Variants in NMNAT2 observed in about 807,000 individuals in gnomAD.
NMNAT2 encodes nicotinamide nucleotide adenylyltransferase 2.
In NMNAT2, 11 loss-of-function variants were observed where a neutral mutation model predicts 41.6. The ratio of observed to expected loss-of-function variants is 0.26; its 90% CI spans 0.17 to 0.44. NMNAT2 has a LOEUF of 0.44. Ranked by LOEUF, NMNAT2 falls within the 20% of genes least tolerant of loss-of-function variation. The probability of loss-of-function intolerance (pLI) is 1.00; values close to 1 mark genes in which losing one functional copy is unlikely to be tolerated. For missense variants in NMNAT2, 288 were observed against 407.7 expected, an observed-to-expected ratio of 0.71 and a Z score of 2.53; for synonymous variants, 148 against 151.2, an observed-to-expected ratio of 0.98 and a Z score of 0.16.
chr1:183,347,618 C>G (rs1051004312), intron 1 of NMNAT2, among the ~76,000 whole-genome samples: 3 of 152,124 alleles, frequency 2.0e-5, no homozygotes, highest in African/African-American at 7.2e-5. Flanking sequence ...ACAATACTAC[C>G]CTTGTGTTTT....
chr1:183,271,851 C>G (rs2102290990), intron 8 of NMNAT2, among the ~76,000 whole-genome samples: 1 of 152,188 alleles, frequency 6.6e-6, no homozygotes, highest in East Asian at 1.9e-4. Context: ...CTCCCGGGTT[C>G]AAGCAATTCT....
chr1:183,261,058 CATG>C lies in NMNAT2; in HGVS notation c.762_764del (p.Ile254del). 1 of 1,613,990 alleles carries C rather than the reference CATG, an allele frequency of 6.2e-7. No homozygotes were observed. Among genetic ancestry groups the C allele is most frequent in the Non-Finnish European group, 8.5e-7 (1 of 1,179,888 alleles). On this transcript the variant is annotated inframe_deletion, in exon 10 of 11. Transcript: ENST00000287713. ...GATGGTTGATGTCATCCTTCACCAC[CATG>C]ATGTTGTTCTGAGGACAGAGCAGAC...
intron 1 of NMNAT2, among the ~76,000 whole-genome samples, chr1:183,358,420 A>AAT (rs1441702182): frequency 2.0e-5 from 3 of 152,166 alleles, no homozygotes; most frequent in Non-Finnish European, 4.4e-5. Flanking sequence ...AAAAGTTTAA[A>AAT]ATATATATAC....
chr1:183,276,630 C>G (rs1661129919), intron 8 of NMNAT2, among the ~76,000 whole-genome samples: 1 of 152,242 alleles, frequency 6.6e-6, no homozygotes, highest in African/African-American at 2.4e-5. Context: ...CCACAGCACT[C>G]CAGGCTGTGC....
intron 1 of NMNAT2, among the ~76,000 whole-genome samples, chr1:183,299,453 T>A (rs570884609): frequency 6.6e-6 from 1 of 152,206 alleles, no homozygotes; most frequent in Admixed American, 6.5e-5. Context: ...AGTTCATTAT[T>A]CTGAGTGAAG....
At chr1:183,389,764 GA>G (rs1648388200) in intron 1 of NMNAT2, among the ~76,000 whole-genome samples, 1 of 26,408 alleles carries the variant, frequency 3.8e-5, no homozygotes, top group South Asian at 1.3e-3. Flanking sequence ...AAGAAAGAAA[GA>G]AAGAAAGAAA....
At chr1:183,407,633 G>A (rs1348312082) in intron 1 of NMNAT2, among the ~76,000 whole-genome samples, 1 of 152,106 alleles carries the variant, frequency 6.6e-6, no homozygotes, top group Non-Finnish European at 1.5e-5. Context: ...TAGATAATAT[G>A]AGGCATGGAC....
At chr1:183,412,346 C>T (rs1649141237) in intron 1 of NMNAT2, among the ~76,000 whole-genome samples, 1 of 152,234 alleles carries the variant, frequency 6.6e-6, no homozygotes, top group African/African-American at 2.4e-5. Context: ...GCCTCAGCCT[C>T]CCAAGTAGCT....
intron 1 of NMNAT2, among the ~76,000 whole-genome samples, chr1:183,312,697 A>C (rs1363286364): frequency 1.3e-5 from 2 of 152,176 alleles, no homozygotes; most frequent in African/African-American, 4.8e-5. Flanking sequence ...AGTATCCCTC[A>C]GGATATCTGG....
intron 1 of NMNAT2, among the ~76,000 whole-genome samples, chr1:183,367,248 C>T (rs549199187): frequency 1.3e-5 from 2 of 152,190 alleles, no homozygotes; most frequent in East Asian, 1.9e-4. Flanking sequence ...CACCTGAGGT[C>T]GGAAGTTTGA....
At position 183,249,854 on chromosome 1, in the gene NMNAT2, A is replaced by T. The variant is rs904851393; in HGVS notation, c.*2787T>A. ...AGTGCCTGTAATCCACAAAGATAAG[A>T]TCTGCCCCACTTCATTCCTAGAAAT... On this transcript the variant is annotated 3_prime_UTR_variant, in exon 11 of 11. Coordinates refer to ENST00000287713, the MANE Select transcript of NMNAT2 (RefSeq NM_015039.4). The T allele has an allele frequency of 6.6e-6, 1 of 152,048 alleles. No individual in the cohort carries two copies. The highest frequency in any genetic ancestry group is 2.4e-5 in the African/African-American group (1 of 41,380). 9.4% of individuals were successfully genotyped at this position (152,048 alleles called of 1,614,324 possible). A position where few individuals can be genotyped will look rare whatever the true frequency, so the allele number is the denominator to read the frequency against.
intron 1 of NMNAT2, among the ~76,000 whole-genome samples, chr1:183,338,223 A>AAATCTATGATATG (rs61522654): frequency 2.3e-4 from 35 of 150,088 alleles, no homozygotes; most frequent in African/African-American, 8.3e-4. Context: ...CAGATCATTA[A>AAATCTATGATATG]CCGTGAGGCA....
chr1:183,339,254 C>T (rs1255539128), intron 1 of NMNAT2, among the ~76,000 whole-genome samples: 4 of 152,056 alleles, frequency 2.6e-5, no homozygotes, highest in Non-Finnish European at 2.9e-5. Context: ...CCTGCCACCA[C>T]GCCTGGCTAA....
chr1:183,313,810 CCAA>C (rs1287705936), intron 1 of NMNAT2, among the ~76,000 whole-genome samples: 5 of 152,144 alleles, frequency 3.3e-5, no homozygotes. Context: ...CTTTTAAAAT[CCAA>C]CAACAACAGC....
chr1:183,324,167 C>T (rs975470666), intron 1 of NMNAT2, among the ~76,000 whole-genome samples: 3 of 152,188 alleles, frequency 2.0e-5, no homozygotes, highest in African/African-American at 4.8e-5. Context: ...TGCATGAATG[C>T]AGCAGAAGAT....
At chr1:183,415,005 C>T (rs974565188) in intron 1 of NMNAT2, among the ~76,000 whole-genome samples, 4 of 152,174 alleles carry the variant, frequency 2.6e-5, no homozygotes, top group African/African-American at 9.7e-5. Flanking sequence ...AAGGCAGAGT[C>T]TGGCTGTATT....
At chr1:183,415,874 T>C (rs181427576) in intron 1 of NMNAT2, among the ~76,000 whole-genome samples, 1 of 152,364 alleles carries the variant, frequency 6.6e-6, no homozygotes, top group East Asian at 1.9e-4. Context: ...TGCTAAATTC[T>C]TCATTAGGTA....
intron 1 of NMNAT2, among the ~76,000 whole-genome samples, chr1:183,381,192 T>A (rs889916868): frequency 1.3e-5 from 2 of 152,032 alleles, no homozygotes; most frequent in East Asian, 3.9e-4. Context: ...AGGATGGGCA[T>A]CCCCATGACT....
chr1:183,339,243 G>C (rs527551163), intron 1 of NMNAT2, among the ~76,000 whole-genome samples: 1 of 152,034 alleles, frequency 6.6e-6, no homozygotes, highest in Non-Finnish European at 1.5e-5. Context: ...GACTACAGGT[G>C]CCTGCCACCA....
Sources: allele counts gnomAD v4.1 joint callset (sites outside exome capture counted in the v4.1 genomes callset), GRCh38; gene constraint gnomAD v4.1.1; transcripts MANE v1.5; gene names NCBI Gene and HGNC (gene_info 2026-07-23, HGNC 2026-07-21).